The following ARLN variants were observed in gnomAD, a reference collection of about 807,000 sequenced individuals.
ARLN encodes sarcoplasmic/endoplasmic reticulum calcium ATPase regulator ARLN.
the ARLN span, chr4:119,300,583 G>A: frequency 6.2e-7 from 1 of 1,613,806 alleles, no homozygotes. Flanking sequence ...AAATGCTTAA[G>A]TTCCCGGACT....
chr4:119,300,892 T>C, the ARLN span: 1 of 1,202,830 alleles, frequency 8.3e-7, no homozygotes, highest in South Asian at 1.6e-5. Context: ...GATGGACTCC[T>C]CCCTGAAACT....
At chr4:119,302,896 AT>A in the ARLN span, among the ~76,000 whole-genome samples, 2 of 152,196 alleles carry the variant, frequency 1.3e-5, no homozygotes, top group Non-Finnish European at 2.9e-5. Flanking sequence ...ATGATGATGA[AT>A]TTTGCTTTAA....
At chr4:119,300,465 CCTCCCT>C in the ARLN span, 1 of 1,614,158 alleles carries the variant, frequency 6.2e-7, no homozygotes, top group Non-Finnish European at 8.5e-7. Flanking sequence ...GTTCTGCCTC[CCTCCCT>C]CGCTAAAGCC....
the ARLN span, chr4:119,298,749 A>G: frequency 1.3e-6 from 1 of 773,562 alleles, no homozygotes; most frequent in South Asian, 1.4e-5. Flanking sequence ...CTCAAGAACC[A>G]ACTTCTTAAT....
the ARLN span, chr4:119,300,788 C>T: frequency 1.4e-6 from 2 of 1,451,200 alleles, no homozygotes; most frequent in East Asian, 2.5e-5. Context: ...CCGCCTACTT[C>T]TGCCTCGCGG....
the ARLN span, chr4:119,300,986 T>C: frequency 1.8e-6 from 1 of 565,816 alleles, no homozygotes; most frequent in African/African-American, 1.9e-5. Flanking sequence ...GTGGGTTTTG[T>C]ACTGTCTCTA....
the ARLN span, chr4:119,304,168 A>C: frequency 4.7e-6 from 5 of 1,059,408 alleles, no homozygotes; most frequent in Non-Finnish European, 6.8e-6. Flanking sequence ...TCAGGGCCCC[A>C]CTTAAGTGCC....
chr4:119,301,546 G>A, the ARLN span, among the ~76,000 whole-genome samples: 1 of 152,016 alleles, frequency 6.6e-6, no homozygotes, highest in Non-Finnish European at 1.5e-5. Flanking sequence ...TTACCTCGTG[G>A]GTCCAATTTC....
the ARLN span, among the ~76,000 whole-genome samples, chr4:119,303,258 G>A: frequency 6.9e-6 from 1 of 145,648 alleles, no homozygotes; most frequent in Admixed American, 6.9e-5. Context: ...TTTGGAGACG[G>A]AGTCTTGCTC....
At chr4:119,300,880 G>C in the ARLN span, 1 of 1,295,544 alleles carries the variant, frequency 7.7e-7, no homozygotes, top group Non-Finnish European at 1.0e-6. Context: ...GTCCAGTCAG[G>C]TGATGGACTC....
the ARLN span, chr4:119,300,251 T>C: frequency 2.7e-6 from 3 of 1,109,924 alleles, no homozygotes; most frequent in Non-Finnish European, 2.6e-6. Flanking sequence ...ATAAACTCTC[T>C]GGAATTCAGT....
the ARLN span, among the ~76,000 whole-genome samples, chr4:119,303,474 A>T: frequency 7.0e-6 from 1 of 143,640 alleles, no homozygotes; most frequent in Non-Finnish European, 1.6e-5. Context: ...ACCTCAGGTG[A>T]TCCGCCCGCC....
At chr4:119,303,782 G>A in the ARLN span, among the ~76,000 whole-genome samples, 20 of 152,192 alleles carry the variant, frequency 1.3e-4, no homozygotes, top group African/African-American at 4.6e-4. Context: ...TACTCAGGAG[G>A]CTGAATTGGG....
the ARLN span, chr4:119,300,702 C>CCTGGCTCGGCTTTCCG: frequency 6.5e-7 from 1 of 1,529,286 alleles, no homozygotes; most frequent in Non-Finnish European, 8.8e-7. Context: ...CGCGCAGGCG[C>CCTGGCTCGGCTTTCCG]CTGGCTCGGC....
At chr4:119,301,797 T>C in the ARLN span, among the ~76,000 whole-genome samples, 1 of 152,180 alleles carries the variant, frequency 6.6e-6, no homozygotes, top group Non-Finnish European at 1.5e-5. Flanking sequence ...TTATAAAGCC[T>C]AAAATTAACT....
chr4:119,303,815 G>A, the ARLN span, among the ~76,000 whole-genome samples: 1 of 152,188 alleles, frequency 6.6e-6, no homozygotes, highest in Non-Finnish European at 1.5e-5. Context: ...GGTCGAGGCT[G>A]CAGTGAACTG....
chr4:119,298,000 G>A, the ARLN span: 3 of 152,370 alleles, frequency 2.0e-5, no homozygotes, highest in Non-Finnish European at 4.4e-5. Context: ...TGCTGACTTT[G>A]CTGAAGTATT....
At chr4:119,300,854 C>G in the ARLN span, 1 of 1,422,200 alleles carries the variant, frequency 7.0e-7, no homozygotes. Context: ...ACGTTCTCGT[C>G]CCCCTGAAAG....
chr4:119,296,463 T>C, the ARLN span: 2 of 152,214 alleles, frequency 1.3e-5, no homozygotes. Context: ...CTTGTGATTA[T>C]GGAGGCTGAG....
Sources: gnomAD v4.1 joint callset for allele counts (sites outside exome capture counted in the v4.1 genomes callset) on GRCh38, gnomAD v4.1.1 for gene constraint, MANE v1.5 for transcripts, NCBI Gene and HGNC (gene_info 2026-07-23, HGNC 2026-07-21) for gene names.